TNIK: variants seen among roughly 807,000 people sequenced by gnomAD.
The protein encoded by TNIK is TRAF2 and NCK-interacting protein kinase.
In TNIK, 49 loss-of-function variants were observed where a neutral mutation model predicts 191.3. The ratio of observed to expected loss-of-function variants is 0.26; its 90% CI spans 0.20 to 0.32. The LOEUF (loss-of-function observed/expected upper bound fraction) is 0.32. Among genes scored for constraint, TNIK ranks in the 10% least tolerant of loss-of-function variants. The pLI, the probability that TNIK is intolerant of heterozygous loss-of-function variation, is 1.00. For synonymous variants in TNIK, 594 were observed against 600.9 expected (o/e 0.99, Z 0.17); for missense variants, 1,155 against 1,702.3 (o/e 0.68, Z 5.66).
At chr3:171,148,386 G>C (rs1300367635) in intron 12 of TNIK, among the ~76,000 whole-genome samples, 3 of 152,226 alleles carry the variant, frequency 2.0e-5, no homozygotes, top group Admixed American at 2.0e-4. Flanking sequence ...TAGTGTCTCT[G>C]AGCCTCAGTT....
intron 1 of TNIK, among the ~76,000 whole-genome samples, chr3:171,437,553 C>CATG (rs3084312): frequency 0.79 from 119,787 of 151,916 alleles, 47,559 homozygotes; most frequent in African/African-American, 0.89. Flanking sequence ...TTTATGGCTG[C>CATG]ATTTATTCAA....
At chr3:171,120,692 C>A (rs894167030) in intron 18 of TNIK, among the ~76,000 whole-genome samples, 2 of 152,098 alleles carry the variant, frequency 1.3e-5, no homozygotes, top group African/African-American at 4.8e-5. Context: ...AGAGGTAGAA[C>A]TGGTCTCCTT....
intron 1 of TNIK, among the ~76,000 whole-genome samples, chr3:171,382,218 C>CTTTTTTTTTTTTTTTTTTTTTTTTT (rs63626462): frequency 1.0e-5 from 1 of 99,146 alleles, no homozygotes; most frequent in Non-Finnish European, 1.9e-5. Context: ...TTGAATACAT[C>CTTTTTTTTTTTTTTTTTTTTTTTTT]TTTTTTTTTT....
chr3:171,062,540 C>G lies in TNIK; in HGVS notation c.*1341G>C, dbSNP rs1717928971. 6.6e-6 allele frequency: 1 copy of G among 152,066 alleles called. No homozygotes were observed. Among genetic ancestry groups the G allele is most frequent in the South Asian group, 2.1e-4 (1 of 4,830 alleles). The allele number at this position is 152,066 out of a possible 1,614,324, so 9.4% of individuals were successfully genotyped here. On this transcript the variant is annotated 3_prime_UTR_variant, in exon 33 of 33. Transcript: ENST00000436636. ...ATTTGAGTAAGAGTTTATAAGGACACAAGTCAACCTGAACTAAATACATAC... is the reference window on the plus strand; with the variant it reads ...ATTTGAGTAAGAGTTTATAAGGACAGAAGTCAACCTGAACTAAATACATAC...
intron 28 of TNIK, among the ~76,000 whole-genome samples, chr3:171,072,861 C>A (rs1719382381): frequency 6.6e-6 from 1 of 151,746 alleles, no homozygotes; most frequent in Non-Finnish European, 1.5e-5. Flanking sequence ...ATACATTTAA[C>A]CAAGAAGGTG....
rs777484537 is a variant in TNIK at position 171,157,711 on chromosome 3, A to G, written c.1017-47T>C. ...CAGGATCCCACGTGGGGCAGGGGCC[A>G]TGGCTACCAAGAGGCCTTGGAGGAG... On this transcript the variant is annotated intron_variant, in intron 11 of 32. Transcript: ENST00000436636. The G allele has an allele frequency of 1.3e-5, 20 of 1,542,590 alleles. No homozygotes were observed. In the African/African-American group the frequency reaches 2.2e-4, roughly 17 times the overall value.
intron 12 of TNIK, among the ~76,000 whole-genome samples, chr3:171,144,197 T>C (rs1383588174): frequency 6.6e-6 from 1 of 152,232 alleles, no homozygotes; most frequent in Non-Finnish European, 1.5e-5. Context: ...AAAAGTTATA[T>C]TCCTTAAAAT....
At chr3:171,157,861 G>A (rs1354514130) in intron 11 of TNIK, among the ~76,000 whole-genome samples, 197 bp from the exon 12 acceptor site, 1 of 152,192 alleles carries the variant, frequency 6.6e-6, no homozygotes, top group Non-Finnish European at 1.5e-5. Flanking sequence ...CTCCCTTTCA[G>A]TACGACTGTG....
Position 171,210,995 on chromosome 3 carries a change from T to G in TNIK, c.306+121A>C, listed in dbSNP as rs113183207. 2.1e-5 allele frequency: 26 copies of G among 1,250,304 alleles called. No homozygotes were observed. The African/African-American group carries it at 2.7e-4, about 13-fold the overall frequency. The allele number at this position is 1,250,304 out of a possible 1,614,324, so 77.5% of individuals were successfully genotyped here. On this transcript the variant is annotated intron_variant, in intron 4 of 32. Coordinates refer to ENST00000436636, the MANE Select transcript of TNIK (RefSeq NM_015028.4). ...CCCTGAAAACAATATGTTACGGACA[T>G]CATGGGGGCTAATGGTTAAAGAAGG...
At chr3:171,073,547 C>T (rs949578207) in intron 28 of TNIK, among the ~76,000 whole-genome samples, 19 of 152,108 alleles carry the variant, frequency 1.2e-4, no homozygotes, top group Non-Finnish European at 2.4e-4. Flanking sequence ...AGCTAATGAG[C>T]TTCTGTGTGG....
chr3:171,459,007 G>C (rs1729089056), intron 1 of TNIK, among the ~76,000 whole-genome samples: 1 of 152,150 alleles, frequency 6.6e-6, no homozygotes, highest in South Asian at 2.1e-4. Flanking sequence ...TGTTGGGATC[G>C]GGAGTTGGGG....
At chr3:171,244,099 C>G (rs1379192283) in intron 2 of TNIK, among the ~76,000 whole-genome samples, 1 of 144,116 alleles carries the variant, frequency 6.9e-6, no homozygotes, top group Admixed American at 7.3e-5. Context: ...CTCGCTCTGT[C>G]GCCCGCCGGG....
chr3:171,097,778 G>A (rs866706520), intron 22 of TNIK, among the ~76,000 whole-genome samples: 1 of 152,116 alleles, frequency 6.6e-6, no homozygotes, highest in South Asian at 2.1e-4. Context: ...TACGAAAATG[G>A]ACTAATACAG....
chr3:171,126,400 T>C (rs962377445), intron 16 of TNIK, among the ~76,000 whole-genome samples: 1 of 152,172 alleles, frequency 6.6e-6, no homozygotes, highest in African/African-American at 2.4e-5. Context: ...ATGTGTGAAA[T>C]AATAACAATA....
chr3:171,082,510 T>C (rs1720823500), intron 26 of TNIK, 116 bp from the exon 27 acceptor site: 4 of 1,161,418 alleles, frequency 3.4e-6, no homozygotes, highest in Non-Finnish European at 3.6e-6. Context: ...AATGGGCAAG[T>C]AGGTAAATAT....
chr3:171,288,932 AC>A (rs566663241), intron 2 of TNIK, among the ~76,000 whole-genome samples: 309 of 152,262 alleles, frequency 2.0e-3, no homozygotes, highest in African/African-American at 6.7e-3. Context: ...TTGAAAAAAA[AC>A]ATTTAAAAAA....
At chr3:171,292,278 T>C (rs1751769987) in intron 2 of TNIK, among the ~76,000 whole-genome samples, 1 of 152,254 alleles carries the variant, frequency 6.6e-6, no homozygotes, top group South Asian at 2.1e-4. Context: ...GTAGCTAAAG[T>C]AACTTTGGAT....
Position 171,460,101 on chromosome 3 carries a change from C to A in TNIK, c.-38G>T. Reference sequence around the variant, plus strand: ...GCTGGAGAAATGGACCAAAACCACCCCGAAGCTTTTCCCTTGGAAATTCCA... The same window carrying A: ...GCTGGAGAAATGGACCAAAACCACCACGAAGCTTTTCCCTTGGAAATTCCA... On this transcript the variant is annotated 5_prime_UTR_variant, in exon 1 of 33. Coordinates refer to ENST00000436636, the MANE Select transcript of TNIK (RefSeq NM_015028.4). The surrounding 1 kb of genome is among the most constrained non-coding windows in gnomAD (Gnocchi z 6.8). 1 of 1,583,146 alleles carries A rather than the reference C, an allele frequency of 6.3e-7. No homozygotes were observed. Among genetic ancestry groups the A allele is most frequent in the Non-Finnish European group, 8.6e-7 (1 of 1,164,270 alleles).
chr3:171,187,352 T>C (rs1304914950), intron 7 of TNIK, among the ~76,000 whole-genome samples: 1 of 152,212 alleles, frequency 6.6e-6, no homozygotes, highest in Non-Finnish European at 1.5e-5. Context: ...TTCAGACAGA[T>C]TGTTGTCAGG....
Sources: gnomAD v4.1 joint callset for allele counts (sites outside exome capture counted in the v4.1 genomes callset) on GRCh38, gnomAD v4.1.1 for gene constraint, Gnocchi (gnomAD v3.1) non-coding constraint, MANE v1.5 for transcripts, NCBI Gene and HGNC (gene_info 2026-07-23, HGNC 2026-07-21) for gene names.